IFT122: variants seen among roughly 807,000 people sequenced by gnomAD.
IFT122 encodes intraflagellar transport 122.
In IFT122, 118 loss-of-function variants were observed where a neutral mutation model predicts 161.6. The observed-to-expected ratio is 0.73, with a 90% CI of 0.63 to 0.85. The LOEUF (loss-of-function observed/expected upper bound fraction) is 0.85. Ranked by LOEUF, IFT122 falls within the 40% of genes least tolerant of loss-of-function variation. The pLI, the probability that IFT122 is intolerant of heterozygous loss-of-function variation, is 0.00. For synonymous variants in IFT122, 550 were observed against 602.4 expected (o/e 0.91, Z 1.27); for missense variants, 1,381 against 1,579.6 (o/e 0.87, Z 2.13).
chr3:129,486,189 C>T (rs1329630660), intron 15 of IFT122, among the ~76,000 whole-genome samples: 1 of 152,222 alleles, frequency 6.6e-6, no homozygotes, highest in Non-Finnish European at 1.5e-5. Context: ...ATCATATGCT[C>T]AGCTGTGATA....
At chr3:129,479,300 G>A (rs2078352463) in intron 12 of IFT122, among the ~76,000 whole-genome samples, 1 of 151,844 alleles carries the variant, frequency 6.6e-6, no homozygotes, top group South Asian at 2.1e-4. Flanking sequence ...AGCTGGGTGT[G>A]GTGGCGCTTG....
In IFT122 at chr3:129,501,478, C is replaced by T. The variant is rs189689936; in HGVS notation, c.2376-1233C>T. On this transcript the variant is annotated intron_variant, in intron 19 of 29. Transcript: ENST00000348417. The stretch of plus-strand genomic sequence containing the variant: ...CCTACCACCCCATCTTTTTCTTGTC[C>T]GATAGTAATTTTTTTAAAGACAGAG... 1.9e-4 allele frequency among the ~76,000 whole-genome samples: 29 copies of T among 152,240 alleles called. 1 individual carries two copies. The highest frequency in any genetic ancestry group is 1.9e-4 in the East Asian group (1 of 5,182).
intron 12 of IFT122, among the ~76,000 whole-genome samples, chr3:129,478,665 G>A (rs2078265748): frequency 2.0e-5 from 3 of 151,838 alleles, no homozygotes; most frequent in African/African-American, 7.3e-5. Context: ...TAAGGCGGGA[G>A]GAATGCTTGA....
chr3:129,490,423 A>G (rs1359076095), intron 16 of IFT122, among the ~76,000 whole-genome samples: 1 of 152,152 alleles, frequency 6.6e-6, no homozygotes, highest in East Asian at 1.9e-4. Flanking sequence ...GCAGAGCTGC[A>G]GGTTCCTCCC....
intron 9 of IFT122, among the ~76,000 whole-genome samples, chr3:129,473,118 T>C (rs1280744585): frequency 6.6e-6 from 1 of 152,148 alleles, no homozygotes; most frequent in Non-Finnish European, 1.5e-5. Context: ...CTGGGCTACA[T>C]AGAGAGACTC....
chr3:129,481,327 G>A (rs528781756), intron 13 of IFT122: 31 of 578,894 alleles, frequency 5.4e-5, no homozygotes, highest in African/African-American at 3.3e-4. Context: ...AGCCTCTGAT[G>A]AACCTCGCTT....
At chr3:129,495,674 C>A in intron 18 of IFT122, 67 bp downstream of exon 18, 1 of 1,564,826 alleles carries the variant, frequency 6.4e-7, no homozygotes, top group Non-Finnish European at 8.8e-7. Context: ...GTGCGGTGTC[C>A]AAGTTATTTT....
At chr3:129,451,719 A>G (rs753092247) in intron 2 of IFT122, among the ~76,000 whole-genome samples, 195 bp from the exon 3 acceptor site, 3 of 152,244 alleles carry the variant, frequency 2.0e-5, no homozygotes, top group Admixed American at 6.5e-5. Context: ...CATAGTACAT[A>G]GACCTGGGTC....
At chr3:129,470,282 G>A (rs1028386702) in intron 9 of IFT122, among the ~76,000 whole-genome samples, 5 of 150,786 alleles carry the variant, frequency 3.3e-5, no homozygotes, top group South Asian at 2.1e-4. Flanking sequence ...AATTTTTTTC[G>A]AGATGGAGTC....
At position 129,469,425 on chromosome 3, in the gene IFT122, G is replaced by T; in HGVS notation, c.816+8G>T. Reference sequence around the variant, plus strand: ...CAGCTGAGTGGAAAACAGGTATGTAGCCCTGTACAAATCCAATTGCAGTCA... The same window carrying T: ...CAGCTGAGTGGAAAACAGGTATGTATCCCTGTACAAATCCAATTGCAGTCA... On this transcript the variant is annotated splice_region_variant and intron_variant, in intron 9 of 29. Coordinates refer to ENST00000348417, the MANE Select transcript of IFT122 (RefSeq NM_052989.3). 1 of 1,607,718 alleles carries T rather than the reference G, an allele frequency of 6.2e-7. No individual in the cohort carries two copies. Among genetic ancestry groups the T allele is most frequent in the Non-Finnish European group, 8.5e-7 (1 of 1,174,310 alleles).
intron 15 of IFT122, among the ~76,000 whole-genome samples, chr3:129,486,737 G>T (rs1456644653): frequency 6.6e-6 from 1 of 152,208 alleles, no homozygotes; most frequent in Admixed American, 6.5e-5. Context: ...CCTGCATTTT[G>T]CCCAGTGCTT....
Position 129,451,999 on chromosome 3 carries a change from G to A in IFT122, c.193+1G>A. The A allele has an allele frequency of 5.6e-6, 9 of 1,610,260 alleles. No individual in the cohort carries two copies. The highest frequency in any genetic ancestry group is 7.7e-6 in the Non-Finnish European group (9 of 1,176,464). On this transcript the variant is annotated splice_donor_variant, in intron 3 of 29. Coordinates refer to ENST00000348417, the MANE Select transcript of IFT122 (RefSeq NM_052989.3). LOFTEE classifies it high-confidence loss of function. The stretch of plus-strand genomic sequence containing the variant: ...TACTGTGTGGCATATGCGAAGGATG[G>A]TAAAAGGCTGCTCTGGGTTTCCATT...
chr3:129,461,248 G>A lies in IFT122; in HGVS notation c.293G>A (p.Cys98Tyr). The A allele has an allele frequency of 6.2e-7, 1 of 1,613,520 alleles. No individual in the cohort carries two copies. The highest frequency in any genetic ancestry group is 1.1e-5 in the South Asian group (1 of 91,072). The stretch of plus-strand genomic sequence containing the variant: ...CCCAGGCACAATGATGCTATACAAT[G>A]TGTCTCCTACAATCCTATTACTCAT... ...LKYTHNDAIQ[C>Y]VSYNPITHQL... The change falls in exon 5 of 30, where the codon TGT becomes TAT. Residue 98 changes from cysteine to tyrosine, a missense_variant. Around this residue, in one of 7 missense-constraint regions of IFT122, gnomAD observed 134 missense variants for 137.4 expected, o/e 0.98. Transcript: ENST00000348417.
intron 3 of IFT122, among the ~76,000 whole-genome samples, chr3:129,457,365 TG>T (rs2075634531): frequency 1.3e-5 from 2 of 152,340 alleles, no homozygotes; most frequent in South Asian, 4.1e-4. Flanking sequence ...AGGCCTCTGC[TG>T]TGTCCCTGAG....
chr3:129,459,682 CTTCTTCCTTCCTTCCT>C (rs2075986865), intron 4 of IFT122, among the ~76,000 whole-genome samples: 1 of 29,632 alleles, frequency 3.4e-5, no homozygotes. Flanking sequence ...CCCTCCCTCC[CTTCTTCCTTCCTTCCT>C]TCCTTCCTTC....
intron 19 of IFT122, among the ~76,000 whole-genome samples, chr3:129,500,533 T>G (rs1226333449): frequency 2.6e-5 from 4 of 152,220 alleles, no homozygotes; most frequent in Non-Finnish European, 4.4e-5. Context: ...CGTGTAATGG[T>G]AGGAACAAAA....
intron 26 of IFT122, among the ~76,000 whole-genome samples, chr3:129,517,268 G>GCACACACACACA (rs777108020): frequency 1.5e-4 from 18 of 116,998 alleles, no homozygotes; most frequent in African/African-American, 5.2e-4. Flanking sequence ...CATTGCTCCT[G>GCACACACACACA]CACACACACA....
At position 129,464,693 on chromosome 3, in the gene IFT122, CG is replaced by C; in HGVS notation, c.477del (p.Asn160ThrfsTer8). ...LGMFNGIISI[R>X]NKNGEEKVKI... ...GATGTTCAATGGGATCATCAGCATA[CG>C]GAACAAAAATGGCGAGGAGAAAGTA... On this transcript the variant is annotated frameshift_variant, in exon 7 of 30. Transcript: ENST00000348417. LOFTEE classifies it high-confidence loss of function. 1 of 1,614,030 alleles carries C rather than the reference CG, an allele frequency of 6.2e-7. No homozygotes were observed.
At chr3:129,477,641 T>G (rs1168351037) in intron 11 of IFT122, among the ~76,000 whole-genome samples, 2 of 152,166 alleles carry the variant, frequency 1.3e-5, no homozygotes, top group Admixed American at 1.3e-4. Context: ...TTACATGTCT[T>G]CCCCGTTTGT....
Sources: gnomAD v4.1 joint callset for allele counts (sites outside exome capture counted in the v4.1 genomes callset) on GRCh38, gnomAD v4.1.1 for gene constraint, gnomAD v4.1.1 regional missense constraint, MANE v1.5 for transcripts, NCBI Gene and HGNC (gene_info 2026-07-23, HGNC 2026-07-21) for gene names.